Variants in AGAP1 observed in about 807,000 individuals in gnomAD.
AGAP1 encodes arf-GAP with GTPase, ANK repeat and PH domain-containing protein 1.
In AGAP1, 29 loss-of-function variants were observed where a neutral mutation model predicts 105.3. That is an observed-to-expected ratio of 0.28 (90% CI 0.21 to 0.38). AGAP1 has a LOEUF of 0.38. Among genes scored for constraint, AGAP1 ranks in the 10% least tolerant of loss-of-function variants. The pLI is 1.00. For missense variants in AGAP1, 998 were observed against 1,165.1 expected, an observed-to-expected ratio of 0.86 and a Z score of 2.09; for synonymous variants, 509 against 485.9, an observed-to-expected ratio of 1.05 and a Z score of -0.63.
chr2:235,573,720 C>T (rs1944647072), intron 1 of AGAP1, among the ~76,000 whole-genome samples: 2 of 152,178 alleles, frequency 1.3e-5, no homozygotes, highest in Admixed American at 1.3e-4. Context: ...CATGAGTGCG[C>T]CCCATCACCA....
chr2:235,570,082 G>A (rs1944467784), intron 1 of AGAP1, among the ~76,000 whole-genome samples: 1 of 151,990 alleles, frequency 6.6e-6, no homozygotes, highest in Non-Finnish European at 1.5e-5. Flanking sequence ...TTTTGAAGAC[G>A]GAATCAAAGG....
rs534762512 is a variant in AGAP1, at chr2:235,614,505, G to A, written c.164-94674G>A. The stretch of plus-strand genomic sequence containing the variant: ...GAGAAAAGGCAAGGAGAAACATGGC[G>A]AGGGGTGGGGGCTTTGCTCTTTAGC... On this transcript the variant is annotated intron_variant, in intron 1 of 17. Transcript: ENST00000304032. The surrounding 1 kb of genome is among the most constrained non-coding windows in gnomAD (Gnocchi z 4.7). 4.6e-5 allele frequency among the ~76,000 whole-genome samples: 7 copies of A among 152,324 alleles called. No homozygotes were observed. In the East Asian group the frequency reaches 1.2e-3, roughly 25 times the overall value.
chr2:235,804,469 G>A (rs1286377415), intron 8 of AGAP1, among the ~76,000 whole-genome samples: 1 of 152,160 alleles, frequency 6.6e-6, no homozygotes, highest in Non-Finnish European at 1.5e-5. Context: ...ATTTGTTTTT[G>A]CAGAGGAGCT....
In AGAP1 at chr2:235,986,418, CAG is replaced by C. The variant is rs2055316302; in HGVS notation, c.1645+17799_1645+17800del. Among the ~76,000 whole-genome samples the C allele has an allele frequency of 2.0e-5, 3 of 152,240 alleles. No individual in the cohort carries two copies. In the East Asian group the frequency reaches 5.8e-4, roughly 29 times the overall value. On this transcript the variant is annotated intron_variant, in intron 13 of 17. Transcript: ENST00000304032. ...AATATAAAATCATGTTGTCTGCAAA[CAG>C]AGACAATTTGATTTCCTCTCTTCCT...
intron 9 of AGAP1, among the ~76,000 whole-genome samples, chr2:235,847,150 G>A (rs1961594321): frequency 6.6e-6 from 1 of 152,222 alleles, no homozygotes; most frequent in Admixed American, 6.5e-5. Context: ...CATCTCATGA[G>A]ACTTTAGGTT....
At chr2:235,876,908 C>T (rs1489064865) in intron 9 of AGAP1, among the ~76,000 whole-genome samples, 7 of 146,964 alleles carry the variant, frequency 4.8e-5, no homozygotes, top group Non-Finnish European at 8.9e-5. Flanking sequence ...AGTGCAATGG[C>T]GCAATCTTGG....
chr2:235,605,865 T>C (rs1369911346), intron 1 of AGAP1, among the ~76,000 whole-genome samples: 1 of 152,200 alleles, frequency 6.6e-6, no homozygotes. Context: ...AACGCAGGCA[T>C]GCACATCCTC....
At chr2:235,870,197 C>A (rs2049369238) in intron 9 of AGAP1, among the ~76,000 whole-genome samples, 1 of 152,160 alleles carries the variant, frequency 6.6e-6, no homozygotes, top group Admixed American at 6.5e-5. Flanking sequence ...GCTTGAAGTT[C>A]ATGGCCTTGT....
chr2:236,095,205 T>G lies in AGAP1; in HGVS notation c.2115-24987T>G, dbSNP rs2059162598. 6.6e-6 allele frequency among the ~76,000 whole-genome samples: 1 copy of G among 151,994 alleles called. No individual in the cohort carries two copies. ...TGAGCTCAGGAGTTCGAGACCAGCC[T>G]GGGAACTGTGGTGAAACCCCGTCTC... On this transcript the variant is annotated intron_variant, in intron 16 of 17. Coordinates refer to ENST00000304032, the MANE Select transcript of AGAP1 (RefSeq NM_001037131.3). The surrounding 1 kb of genome is among the most constrained non-coding windows in gnomAD (Gnocchi z 4.1).
intron 1 of AGAP1, among the ~76,000 whole-genome samples, chr2:235,683,474 T>C (rs1048237672): frequency 4.8e-4 from 72 of 150,416 alleles, no homozygotes; most frequent in African/African-American, 1.7e-3. Flanking sequence ...CAATACTTAA[T>C]ACATATTATA....
intron 16 of AGAP1, among the ~76,000 whole-genome samples, chr2:236,118,359 A>G (rs900140550): frequency 6.9e-6 from 1 of 145,972 alleles, no homozygotes; most frequent in Non-Finnish European, 1.5e-5. Context: ...CCCTTCTTAC[A>G]TGTAGGGCTT....
At chr2:235,822,961 A>G (rs932112101) in intron 9 of AGAP1, among the ~76,000 whole-genome samples, 4 of 152,182 alleles carry the variant, frequency 2.6e-5, no homozygotes, top group Non-Finnish European at 4.4e-5. Flanking sequence ...ATGCAATTCA[A>G]GTGCTACTGT....
chr2:236,049,031 G>GT, intron 15 of AGAP1, 28 bp from the exon 16 acceptor site: 1 of 1,595,638 alleles, frequency 6.3e-7, no homozygotes, highest in South Asian at 1.1e-5. Flanking sequence ...GTCTGATTGC[G>GT]TTTAGCGTTC....
rs577402463 is a variant in AGAP1 at position 236,129,829 on chromosome 2, A to G, written c.*5707A>G. The G allele has an allele frequency of 2.0e-5, 3 of 152,312 alleles. No individual in the cohort carries two copies. The highest frequency in any genetic ancestry group is 4.8e-5 in the African/African-American group (2 of 41,558). 9.4% of individuals were successfully genotyped at this position (152,312 alleles called of 1,614,324 possible). ...CTTTTTTAAATCTTTGAGTTGTATGAGAAAGTATTTAAGTTCACCAGTGTA... is the reference window on the plus strand; with the variant it reads ...CTTTTTTAAATCTTTGAGTTGTATGGGAAAGTATTTAAGTTCACCAGTGTA... On this transcript the variant is annotated 3_prime_UTR_variant, in exon 18 of 18. Coordinates refer to ENST00000304032, the MANE Select transcript of AGAP1 (RefSeq NM_001037131.3). This position sits in a 1 kb window ranked among gnomAD's most constrained non-coding sequence, Gnocchi z 6.2.
chr2:235,892,102 C>T (rs2050573830), intron 10 of AGAP1, among the ~76,000 whole-genome samples: 1 of 151,670 alleles, frequency 6.6e-6, no homozygotes, highest in South Asian at 2.1e-4. Flanking sequence ...TGCAGTGAGC[C>T]GACGTGGTGC....
chr2:235,582,034 A>C lies in AGAP1; in HGVS notation c.163+87185A>C, dbSNP rs917186519. 1.3e-5 allele frequency among the ~76,000 whole-genome samples: 2 copies of C among 152,202 alleles called. No individual in the cohort carries two copies. The highest frequency in any genetic ancestry group is 2.4e-5 in the African/African-American group (1 of 41,444). On this transcript the variant is annotated intron_variant, in intron 1 of 17. Transcript: ENST00000304032. This position sits in a 1 kb window ranked among gnomAD's most constrained non-coding sequence, Gnocchi z 4.7. ...CTTCAGCAACCCAACATATTAACGC[A>C]GTCTTTAGGAGACATGAAATGTTCC...
intron 1 of AGAP1, among the ~76,000 whole-genome samples, chr2:235,496,772 AAT>A (rs1941337240): frequency 6.6e-6 from 1 of 151,652 alleles, no homozygotes; most frequent in African/African-American, 2.4e-5. Flanking sequence ...AGAAAAAAAA[AAT>A]GCGTCGTTCC....
At chr2:235,825,326 A>G (rs956293140) in intron 9 of AGAP1, among the ~76,000 whole-genome samples, 2 of 152,230 alleles carry the variant, frequency 1.3e-5, no homozygotes, top group African/African-American at 4.8e-5. Context: ...CCCTTTGAAC[A>G]GCTGCCACCA....
chr2:236,116,583 A>G (rs945766994), intron 16 of AGAP1, among the ~76,000 whole-genome samples: 11 of 152,038 alleles, frequency 7.2e-5, no homozygotes, highest in Non-Finnish European at 1.5e-4. Flanking sequence ...TCCTGACCTC[A>G]AGAGAACCAC....
Sources: allele counts gnomAD v4.1 joint callset (sites outside exome capture counted in the v4.1 genomes callset), GRCh38; gene constraint gnomAD v4.1.1; non-coding constraint Gnocchi (gnomAD v3.1); transcripts MANE v1.5; gene names NCBI Gene and HGNC (gene_info 2026-07-23, HGNC 2026-07-21).